Variants in SPATA13 observed in about 807,000 individuals in gnomAD.
The protein encoded by SPATA13 is spermatogenesis-associated protein 13.
SPATA13 carries 50 observed loss-of-function variants against 104.0 expected under a neutral mutation model. That is an observed-to-expected ratio of 0.48 (90% CI 0.38 to 0.61). SPATA13 has a LOEUF of 0.61. SPATA13 is among the 20% of genes least tolerant of loss of function. The probability of loss-of-function intolerance (pLI) is 0.00; values close to 1 mark genes in which losing one functional copy is unlikely to be tolerated. For missense variants in SPATA13, 1,524 were observed against 1,690.6 expected, an observed-to-expected ratio of 0.90 and a Z score of 1.73; for synonymous variants, 606 against 667.5, an observed-to-expected ratio of 0.91 and a Z score of 1.42.
chr13:24,183,535 C>T (rs912679641), intron 1 of SPATA13, among the ~76,000 whole-genome samples: 5 of 152,152 alleles, frequency 3.3e-5, no homozygotes, highest in African/African-American at 1.2e-4. Flanking sequence ...CACATGCAGC[C>T]CAAGATGGCT....
chr13:24,144,633 A>G (rs1217653183), intron 3 of SPATA13, among the ~76,000 whole-genome samples: 3 of 151,598 alleles, frequency 2.0e-5, no homozygotes, highest in African/African-American at 7.3e-5. Flanking sequence ...TGTGCCCCTC[A>G]CTCAGCTCCG....
rs569547902 is a variant in SPATA13, at chr13:24,004,419, G to T, written c.-146-13248G>T. Among the ~76,000 whole-genome samples, 3 of 152,274 alleles carry T rather than the reference G, an allele frequency of 2.0e-5. No homozygotes were observed. The East Asian group carries it at 5.8e-4, about 29-fold the overall frequency. ...TCTCATCCAGGTTGGATGGACCACA[G>T]TATATTTGTTTATTTCCCGGCTCTC... On this transcript the variant is annotated intron_variant, in intron 2 of 14. Transcript: ENST00000424834.
Position 24,241,876 on chromosome 13 carries a change from A to AC in SPATA13, c.1654-7597dup, listed in dbSNP as rs563197340. Among the ~76,000 whole-genome samples the AC allele has an allele frequency of 3.1e-3, 469 of 152,146 alleles. 3 individuals are homozygous for AC. The highest frequency in any genetic ancestry group is 0.011 in the African/African-American group (445 of 41,504). On this transcript the variant is annotated intron_variant, in intron 2 of 12. Coordinates refer to ENST00000382108, the MANE Select transcript of SPATA13 (RefSeq NM_001166271.3). ...AGACTAGCCTGAGCAACATAGTGAG[A>AC]CCCCTATCTCTACAGAAAATTTAAA...
At chr13:24,005,742 A>G (rs910583707) in intron 2 of SPATA13, among the ~76,000 whole-genome samples, 1 of 152,226 alleles carries the variant, frequency 6.6e-6, no homozygotes. Context: ...TGAGGAATGC[A>G]TGTGCTTTTA....
intron 1 of SPATA13, among the ~76,000 whole-genome samples, chr13:23,981,557 G>A (rs1874901239): frequency 6.6e-6 from 1 of 152,190 alleles, no homozygotes; most frequent in South Asian, 2.1e-4. Context: ...ATTGTGAGAT[G>A]CCACCAGGAC....
chr13:24,159,934 C>T (rs1882397665), upstream of SPATA13, among the ~76,000 whole-genome samples: 1 of 152,176 alleles, frequency 6.6e-6, no homozygotes, highest in Non-Finnish European at 1.5e-5. Context: ...ACATGGAGCA[C>T]TGGGGCACAG....
At chr13:24,147,274 A>G (rs1881963675) in intron 3 of SPATA13, among the ~76,000 whole-genome samples, 1 of 152,234 alleles carries the variant, frequency 6.6e-6, no homozygotes, top group African/African-American at 2.4e-5. Context: ...AGATAGAATG[A>G]TGACCGTATT....
chr13:24,146,843 C>T (rs1287573667), intron 3 of SPATA13, among the ~76,000 whole-genome samples: 2 of 152,160 alleles, frequency 1.3e-5, no homozygotes, highest in South Asian at 2.1e-4. Flanking sequence ...GATTTCTTTA[C>T]CACCGCATCC....
rs776250969 is a variant in SPATA13, at chr13:24,302,726, T to A, written c.3787T>A (p.Ser1263Thr). 5.0e-6 allele frequency: 8 copies of A among 1,614,150 alleles called. No homozygotes were observed. The South Asian group carries it at 8.8e-5, about 18-fold the overall frequency. Residue 1263 changes from serine (S) to threonine (T), a missense_variant, in exon 13 of 13, where the codon TCG (serine) becomes ACG (threonine). Physicochemically the swap from Ser to Thr is moderately conservative, Grantham distance 58. This residue lies in a region of SPATA13 where 435 missense variants were observed against 554.8 expected (regional missense o/e 0.78). Transcript: ENST00000382108. ...FGLAEPKRKS[S>T]LFWHTFNRLT... is the part of the protein sequence containing the mutation. ...CCTGGCGGAACCCAAGAGGAAGTCC[T>A]CGCTCTTCTGGCACACCTTCAACAG...
chr13:24,133,278 A>T (rs1881446072), intron 3 of SPATA13, among the ~76,000 whole-genome samples: 1 of 152,154 alleles, frequency 6.6e-6, no homozygotes, highest in Non-Finnish European at 1.5e-5. Context: ...AACACTAAGT[A>T]CTTAGCCCAG....
At chr13:24,203,947 G>C (rs746651956) in intron 1 of SPATA13, among the ~76,000 whole-genome samples, 6 of 152,196 alleles carry the variant, frequency 3.9e-5, no homozygotes, top group Non-Finnish European at 7.3e-5. Flanking sequence ...ATGTCTTTAA[G>C]GAGTTTATGG....
rs1427817906 is a variant in SPATA13, at chr13:24,291,753, T to A, written c.3080+869T>A. 1.0e-3 allele frequency among the ~76,000 whole-genome samples: 139 copies of A among 133,892 alleles called. 1 individual carries two copies. Among genetic ancestry groups the A allele is most frequent in the African/African-American group, 3.6e-3 (132 of 36,946 alleles). 87.8% of individuals were successfully genotyped at this position (133,892 alleles called of 152,430 possible). ...CTCTCTGTCTTTATTTTTTTATTTT[T>A]TTATTTTTTTTTTTGAGACGGAGTC... On this transcript the variant is annotated intron_variant, in intron 9 of 12. Transcript: ENST00000382108.
chr13:23,994,511 G>A lies in SPATA13; in HGVS notation c.-147+10578G>A, dbSNP rs776310568. On this transcript the variant is annotated intron_variant, in intron 2 of 14. Coordinates refer to the SPATA13 transcript ENST00000424834. ...AGGAGGTTCGTGTGTGGGACTGGCC[G>A]GCATGACTGCAGGTGCCTTTCAGGC... is the stretch of plus-strand genomic sequence containing the variant. 2.8e-4 allele frequency among the ~76,000 whole-genome samples: 43 copies of A among 152,178 alleles called. 1 individual carries two copies. Among genetic ancestry groups the A allele is most frequent in the Non-Finnish European group, 5.1e-4 (35 of 68,032 alleles).
At chr13:24,017,355 G>A (rs1039993064) in intron 2 of SPATA13, among the ~76,000 whole-genome samples, 3 of 152,086 alleles carry the variant, frequency 2.0e-5, no homozygotes, top group African/African-American at 4.8e-5. Flanking sequence ...TGCTTGACCT[G>A]AATTCAGAGG....
intron 3 of SPATA13, among the ~76,000 whole-genome samples, chr13:24,078,612 G>T (rs535052905): frequency 6.6e-6 from 1 of 152,308 alleles, no homozygotes; most frequent in Admixed American, 6.5e-5. Context: ...CTGGGCAGTT[G>T]TTATTTGTTG....
rs369779751 is a variant in SPATA13, at chr13:24,087,542, T to G, written c.-112+69841T>G. Among the ~76,000 whole-genome samples the G allele has an allele frequency of 1.8e-4, 28 of 152,302 alleles. No individual in the cohort carries two copies. The East Asian group carries it at 4.6e-3, about 25-fold the overall frequency. On this transcript the variant is annotated intron_variant, in intron 3 of 14. Coordinates refer to the SPATA13 transcript ENST00000424834. ...TAAAGGTTTCAGGCACCTATGCAGG[T>G]GAAAATCTTTGGATTTCCAGCTGCA...
intron 3 of SPATA13, among the ~76,000 whole-genome samples, chr13:24,143,230 G>T (rs565113330): frequency 6.6e-6 from 1 of 152,322 alleles, no homozygotes; most frequent in South Asian, 2.1e-4. Context: ...CAGTGGGCAG[G>T]AAGCAGGAAG....
At chr13:24,097,517 C>T in intron 3 of SPATA13, among the ~76,000 whole-genome samples, 1 of 152,028 alleles carries the variant, frequency 6.6e-6, no homozygotes, top group East Asian at 1.9e-4. Flanking sequence ...GAGACTGCAG[C>T]AACCACACAG....
At chr13:24,227,517 C>G (rs1001253567) in intron 2 of SPATA13, among the ~76,000 whole-genome samples, 18 of 152,088 alleles carry the variant, frequency 1.2e-4, no homozygotes, top group Admixed American at 8.5e-4. Flanking sequence ...GTTGATAATT[C>G]TACGAATTTG....
Sources: allele counts gnomAD v4.1 joint callset (sites outside exome capture counted in the v4.1 genomes callset), GRCh38; gene constraint gnomAD v4.1.1; regional missense constraint gnomAD v4.1.1; transcripts MANE v1.5; gene names NCBI Gene and HGNC (gene_info 2026-07-23, HGNC 2026-07-21).